The following CSMD1 variants were observed in gnomAD, a reference collection of about 807,000 sequenced individuals.
The protein encoded by CSMD1 is CUB and Sushi multiple domains 1, also known as CUB and sushi domain-containing protein 1.
CSMD1 carries 213 observed loss-of-function variants against 417.5 expected under a neutral mutation model. The observed-to-expected ratio is 0.51, with a 90% CI of 0.46 to 0.57. The LOEUF is 0.57. CSMD1 is among the 20% of genes least tolerant of loss of function. CSMD1 has a pLI of 0.00. For synonymous variants in CSMD1, 2,862 were observed against 1,736.8 expected, an observed-to-expected ratio of 1.65 and a Z score of -16.11; for missense variants, 6,923 against 4,529.7, an observed-to-expected ratio of 1.53 and a Z score of -15.17.
intron 3 of CSMD1, among the ~76,000 whole-genome samples, chr8:4,065,540 T>A (rs1176544351): frequency 7.6e-6 from 1 of 130,910 alleles, no homozygotes; most frequent in Non-Finnish European, 1.6e-5. Flanking sequence ...AAACTGTATG[T>A]TTCTTGATAG....
chr8:4,886,644 G>C (rs928323760), intron 1 of CSMD1, among the ~76,000 whole-genome samples: 2 of 151,924 alleles, frequency 1.3e-5, no homozygotes, highest in Non-Finnish European at 2.9e-5. Flanking sequence ...ATTGTGAGTA[G>C]ATATTTTTAT....
intron 1 of CSMD1, among the ~76,000 whole-genome samples, chr8:4,795,601 T>A (rs1797936165): frequency 6.6e-6 from 1 of 152,090 alleles, no homozygotes; most frequent in African/African-American, 2.4e-5. Flanking sequence ...TGTTTTTTCT[T>A]CTTTAACCAT....
At chr8:4,491,616 A>G (rs1801706639) in intron 2 of CSMD1, among the ~76,000 whole-genome samples, 1 of 152,182 alleles carries the variant, frequency 6.6e-6, no homozygotes, top group Admixed American at 6.5e-5. Flanking sequence ...AGATACAAGG[A>G]GAGTAAATAA....
chr8:3,141,864 C>T (rs1205727015), intron 41 of CSMD1, among the ~76,000 whole-genome samples: 2 of 150,298 alleles, frequency 1.3e-5, no homozygotes, highest in Admixed American at 6.6e-5. Context: ...GTGGCGCGAT[C>T]TCTCCTCACT....
intron 3 of CSMD1, among the ~76,000 whole-genome samples, chr8:4,057,369 T>G (rs1032301509): frequency 2.7e-5 from 4 of 150,564 alleles, no homozygotes; most frequent in East Asian, 2.1e-4. Context: ...CGCCTACTTT[T>G]TGATGGGGTT....
At chr8:4,160,426 G>C (rs936590774) in intron 3 of CSMD1, among the ~76,000 whole-genome samples, 1 of 152,144 alleles carries the variant, frequency 6.6e-6, no homozygotes. Context: ...CAATGAAATA[G>C]TCCAGAATAA....
chr8:3,345,382 G>A (rs1807921265), intron 22 of CSMD1, among the ~76,000 whole-genome samples: 1 of 151,978 alleles, frequency 6.6e-6, no homozygotes, highest in Non-Finnish European at 1.5e-5. Flanking sequence ...TCAGCACTGG[G>A]TCCAACCACC....
intron 5 of CSMD1, among the ~76,000 whole-genome samples, chr8:3,789,444 T>C (rs1263404111): frequency 3.5e-4 from 1 of 2,826 alleles, no homozygotes; most frequent in Admixed American, 3.7e-3. Flanking sequence ...TTTTAAGTGT[T>C]TTTTTTTTTT....
chr8:3,055,747 G>A (rs1026001500), intron 49 of CSMD1, among the ~76,000 whole-genome samples: 4 of 152,158 alleles, frequency 2.6e-5, no homozygotes, highest in Non-Finnish European at 5.9e-5. Flanking sequence ...AGCAGCTTAG[G>A]CGAATAATCA....
chr8:4,211,937 A>G (rs931511857), intron 3 of CSMD1, among the ~76,000 whole-genome samples: 1 of 152,212 alleles, frequency 6.6e-6, no homozygotes, highest in Admixed American at 6.5e-5. Flanking sequence ...AAAGGGTAAT[A>G]AAGTCAACTG....
chr8:4,847,296 T>A (rs957579473), intron 1 of CSMD1, among the ~76,000 whole-genome samples: 10 of 152,206 alleles, frequency 6.6e-5, no homozygotes, highest in Non-Finnish European at 1.0e-4. Context: ...TTTAAGAGAA[T>A]TGGCATAAAT....
At chr8:3,641,947 G>A (rs1005548008) in intron 7 of CSMD1, among the ~76,000 whole-genome samples, 1 of 152,158 alleles carries the variant, frequency 6.6e-6, no homozygotes, top group African/African-American at 2.4e-5. Flanking sequence ...AGCACTGAGT[G>A]AATCCCTGAC....
chr8:3,932,690 C>T (rs1810235592), intron 5 of CSMD1, among the ~76,000 whole-genome samples: 1 of 150,298 alleles, frequency 6.7e-6, no homozygotes, highest in Non-Finnish European at 1.5e-5. Context: ...CTCATAAGAT[C>T]GTAATTCATT....
chr8:4,692,183 C>A (rs377551649), intron 1 of CSMD1, among the ~76,000 whole-genome samples: 4 of 152,234 alleles, frequency 2.6e-5, no homozygotes, highest in South Asian at 4.1e-4. Flanking sequence ...CAGCCCCTGG[C>A]CTGACCTCAC....
chr8:3,278,768 C>G (rs1238665782), intron 26 of CSMD1: 1 of 152,084 alleles, frequency 6.6e-6, no homozygotes, highest in Non-Finnish European at 1.5e-5. Context: ...GATGGACAGG[C>G]TGTTTTGCAC....
At chr8:4,203,998 G>C (rs1425645673) in intron 3 of CSMD1, among the ~76,000 whole-genome samples, 3 of 152,188 alleles carry the variant, frequency 2.0e-5, no homozygotes, top group East Asian at 3.9e-4. Context: ...CTACTCGGAA[G>C]ACTGAGGCAT....
chr8:4,358,962 T>C (rs553930961), intron 3 of CSMD1, among the ~76,000 whole-genome samples: 1 of 93,556 alleles, frequency 1.1e-5, no homozygotes, highest in East Asian at 2.4e-4. Context: ...TTCCAGAGTC[T>C]TGTGCACACA....
chr8:3,566,656 A>G (rs1799724724), intron 10 of CSMD1, among the ~76,000 whole-genome samples: 2 of 152,258 alleles, frequency 1.3e-5, no homozygotes, highest in Non-Finnish European at 2.9e-5. Context: ...ATATACATTC[A>G]GCTAAGAAGC....
intron 18 of CSMD1, among the ~76,000 whole-genome samples, chr8:3,376,259 G>A (rs2116745949): frequency 6.6e-6 from 1 of 152,008 alleles, no homozygotes; most frequent in South Asian, 2.1e-4. Context: ...GAAATAAAGA[G>A]TAAACTAATT....
Sources: allele counts gnomAD v4.1 joint callset (sites outside exome capture counted in the v4.1 genomes callset), GRCh38; gene constraint gnomAD v4.1.1; transcripts MANE v1.5; gene names NCBI Gene and HGNC (gene_info 2026-07-23, HGNC 2026-07-21).